Variants in DAB1 observed in about 807,000 individuals in gnomAD.
The protein encoded by DAB1 is DAB adaptor protein 1.
Under a neutral mutation model 64.6 loss-of-function variants are expected in DAB1, and 15 were observed. The ratio of observed to expected loss-of-function variants is 0.23; its 90% CI spans 0.16 to 0.36. The LOEUF is 0.36. Ranked by LOEUF, DAB1 falls within the 10% of genes least tolerant of loss-of-function variation. DAB1 has a pLI of 1.00. For synonymous variants in DAB1, 235 were observed against 251.9 expected (o/e 0.93, Z 0.64); for missense variants, 596 against 706.7 (o/e 0.84, Z 1.78).
intron 1 of DAB1, among the ~76,000 whole-genome samples, chr1:57,829,717 C>T (rs1652502892): frequency 6.6e-6 from 1 of 152,202 alleles, no homozygotes; most frequent in African/African-American, 2.4e-5. Context: ...CCTTTTTGCT[C>T]AGCCCGCCCC....
chr1:57,764,827 G>A (rs1438974313), intron 6 of DAB1, among the ~76,000 whole-genome samples: 3 of 151,478 alleles, frequency 2.0e-5, no homozygotes, highest in Non-Finnish European at 1.5e-5. Context: ...CCTTATTCCT[G>A]TTGTAAGAGG....
At chr1:57,728,204 T>C (rs1647263591) in intron 6 of DAB1, among the ~76,000 whole-genome samples, 1 of 152,182 alleles carries the variant, frequency 6.6e-6, no homozygotes, top group South Asian at 2.1e-4. Flanking sequence ...TGTGCCTGTT[T>C]TTTTCTGCAT....
chr1:58,462,885 T>C (rs907356605), intron 3 of DAB1: 3 of 152,234 alleles, frequency 2.0e-5, no homozygotes, highest in African/African-American at 4.8e-5. Flanking sequence ...AAACAGTGCC[T>C]GACACATAGT....
intron 5 of DAB1, chr1:58,074,551 T>TATATATATAC (rs1380582901): frequency 4.4e-5 from 3 of 68,578 alleles, no homozygotes; most frequent in African/African-American, 1.9e-4. Flanking sequence ...TATACACACA[T>TATATATATAC]ATATATATGT....
At position 57,357,511 on chromosome 1, in the gene DAB1, C is replaced by A. The variant is rs1163267211; in HGVS notation, c.-136-66345G>T. 9.9e-5 allele frequency among the ~76,000 whole-genome samples: 13 copies of A among 131,244 alleles called. No individual in the cohort carries two copies. The Admixed American group carries it at 1.0e-3, about 11-fold the overall frequency. The allele number at this position is 131,244 out of a possible 152,430, so 86.1% of individuals were successfully genotyped here. On this transcript the variant is annotated intron_variant, in intron 1 of 14. Transcript: ENST00000371236. ...ATGGTTTTCATTGTAGAGATCTTCA[C>A]CTTCTTCCTTTTTTTTTTTTTTTTT...
At chr1:57,382,411 G>A (rs918345938) in intron 1 of DAB1, among the ~76,000 whole-genome samples, 2 of 152,140 alleles carry the variant, frequency 1.3e-5, no homozygotes, top group African/African-American at 4.8e-5. Context: ...CGTTTATTGA[G>A]TGCTGTATTA....
chr1:57,121,202 G>A (rs200694599), intron 4 of DAB1, among the ~76,000 whole-genome samples: 5 of 138,272 alleles, frequency 3.6e-5, no homozygotes, highest in East Asian at 4.4e-4. Flanking sequence ...GAAGGAGAAG[G>A]AGAAGAAGGA....
intron 5 of DAB1, among the ~76,000 whole-genome samples, chr1:57,912,368 C>T (rs925293619): frequency 6.6e-6 from 1 of 152,142 alleles, no homozygotes; most frequent in Non-Finnish European, 1.5e-5. Flanking sequence ...TTACCTTACG[C>T]AGGTGCTCAA....
At chr1:57,011,342 T>G in intron 12 of DAB1, 70 bp from the exon 13 acceptor site, 1 of 1,563,330 alleles carries the variant, frequency 6.4e-7, no homozygotes, top group South Asian at 1.2e-5. Context: ...CAAAGAAACC[T>G]CAGGAATCTG....
intron 9 of DAB1, among the ~76,000 whole-genome samples, chr1:57,043,881 T>C (rs1022255893): frequency 6.6e-5 from 10 of 151,960 alleles, no homozygotes; most frequent in Admixed American, 3.9e-4. Flanking sequence ...GGTCTCTTAT[T>C]GCACTTGGAA....
intron 2 of DAB1, among the ~76,000 whole-genome samples, chr1:57,168,697 T>C (rs1379606664): frequency 6.6e-6 from 1 of 152,192 alleles, no homozygotes; most frequent in African/African-American, 2.4e-5. Context: ...TCACAATCTA[T>C]CAATTCTCAG....
chr1:57,670,154 A>G (rs770092368), intron 6 of DAB1, among the ~76,000 whole-genome samples: 1 of 152,156 alleles, frequency 6.6e-6, no homozygotes, highest in Non-Finnish European at 1.5e-5. Context: ...CTATTTATTA[A>G]TAATAGAGAG....
At chr1:57,033,602 A>G (rs17417626) in intron 9 of DAB1, 59,030 of 1,589,432 alleles carry the variant, frequency 0.037, 1,331 homozygotes, top group South Asian at 0.068. Flanking sequence ...ATGAATGAGG[A>G]TGAAGTGAAT....
intron 1 of DAB1, among the ~76,000 whole-genome samples, chr1:57,362,908 T>G (rs1679673095): frequency 6.6e-6 from 1 of 152,188 alleles, no homozygotes; most frequent in African/African-American, 2.4e-5. Flanking sequence ...GAATAAGTAA[T>G]AAGCAGAGTT....
At chr1:58,127,394 T>C (rs931142212) in intron 5 of DAB1, among the ~76,000 whole-genome samples, 1 of 151,832 alleles carries the variant, frequency 6.6e-6, no homozygotes, top group African/African-American at 2.4e-5. Context: ...GAAAATTTTC[T>C]CCCATTTTGT....
intron 3 of DAB1, among the ~76,000 whole-genome samples, chr1:58,368,703 C>A (rs988738389): frequency 2.6e-5 from 4 of 152,126 alleles, no homozygotes; most frequent in African/African-American, 9.7e-5. Context: ...CTCAGCCTGA[C>A]CATCTCCACT....
chr1:58,258,018 C>T (rs1660971472), intron 4 of DAB1, among the ~76,000 whole-genome samples: 1 of 152,126 alleles, frequency 6.6e-6, no homozygotes, highest in Non-Finnish European at 1.5e-5. Context: ...GTACTGTTAC[C>T]GTGGTGGGGA....
intron 4 of DAB1, among the ~76,000 whole-genome samples, chr1:58,291,202 T>C (rs1238861898): frequency 1.3e-5 from 2 of 152,198 alleles, no homozygotes; most frequent in African/African-American, 4.8e-5. Context: ...AAACAAAGAA[T>C]TGATGGGACA....
At chr1:57,288,719 G>A (rs1672533171) in intron 2 of DAB1, among the ~76,000 whole-genome samples, 2 of 151,404 alleles carry the variant, frequency 1.3e-5, no homozygotes, top group South Asian at 4.2e-4. Context: ...GAATGATGAA[G>A]GAAGAGAAAA....
Sources: allele counts gnomAD v4.1 joint callset (sites outside exome capture counted in the v4.1 genomes callset), GRCh38; gene constraint gnomAD v4.1.1; transcripts MANE v1.5; gene names NCBI Gene and HGNC (gene_info 2026-07-23, HGNC 2026-07-21).